The following PAN3 variants were observed in gnomAD, a reference collection of about 807,000 sequenced individuals.
PAN3 encodes the protein PAN2-PAN3 deadenylation complex subunit PAN3.
In PAN3, 19 loss-of-function variants were observed where a neutral mutation model predicts 96.2. The observed-to-expected ratio is 0.20, with a 90% CI of 0.14 to 0.29. The LOEUF is 0.29. PAN3 is among the 10% of genes least tolerant of loss of function. PAN3 has a pLI of 1.00. For missense variants in PAN3, 882 were observed against 1,108.1 expected, an observed-to-expected ratio of 0.80 and a Z score of 2.90; for synonymous variants, 433 against 406.6, an observed-to-expected ratio of 1.06 and a Z score of -0.78.
intron 6 of PAN3, among the ~76,000 whole-genome samples, chr13:28,239,188 C>T (rs1161153002): frequency 1.8e-5 from 2 of 112,254 alleles, no homozygotes; most frequent in African/African-American, 7.6e-5. Flanking sequence ...CACACACACA[C>T]GCATGCACAC....
intron 1 of PAN3, among the ~76,000 whole-genome samples, chr13:28,164,123 A>G (rs979326858): frequency 1.5e-4 from 23 of 152,252 alleles, no homozygotes; most frequent in African/African-American, 5.3e-4. Context: ...TTGAAATGTA[A>G]TTTACATGCT....
intron 1 of PAN3, among the ~76,000 whole-genome samples, chr13:28,164,423 A>G (rs1243363122): frequency 6.6e-6 from 1 of 152,228 alleles, no homozygotes; most frequent in Non-Finnish European, 1.5e-5. Context: ...GCTAATGTCA[A>G]ACTAAGAAGT....
At position 28,188,703 on chromosome 13, in the gene PAN3, G is replaced by A. The variant is rs145905230; in HGVS notation, c.691-8482G>A. Among the ~76,000 whole-genome samples, 700 of 152,230 alleles carry A rather than the reference G, an allele frequency of 4.6e-3. 1 individual carries two copies. The highest frequency in any genetic ancestry group is 6.8e-3 in the Non-Finnish European group (464 of 68,000). ...TTCAAAGGAGGTTTTTATAATTCAC[G>A]GCATTGGAAACTTTTTGTCCTGAAG... On this transcript the variant is annotated intron_variant, in intron 4 of 18. Transcript: ENST00000380958.
chr13:28,257,339 T>C (rs770604284), intron 7 of PAN3, among the ~76,000 whole-genome samples: 1 of 152,068 alleles, frequency 6.6e-6, no homozygotes, highest in Non-Finnish European at 1.5e-5. Context: ...CTTTTTTAGC[T>C]TCATTACTTC....
In PAN3 at chr13:28,280,403, C is replaced by G. The variant is rs777430346; in HGVS notation, c.2190-9C>G. On this transcript the variant is annotated splice_polypyrimidine_tract_variant and intron_variant, in intron 15 of 18. Transcript: ENST00000380958. ...GACATCCAAGTAATTCCTCTTTTAT[C>G]TTGGGTAGGTATTTGTTGACTGACC... 5.0e-6 allele frequency: 8 copies of G among 1,599,120 alleles called. No homozygotes were observed. The South Asian group carries it at 8.0e-5, about 16-fold the overall frequency.
intron 4 of PAN3, among the ~76,000 whole-genome samples, chr13:28,187,506 C>A (rs7329396): frequency 0.019 from 2,934 of 152,236 alleles, 108 homozygotes; most frequent in African/African-American, 0.067. Flanking sequence ...GGTCTTCCAA[C>A]TGATTTTATT....
intron 1 of PAN3, among the ~76,000 whole-genome samples, chr13:28,169,520 C>T (rs980948497): frequency 6.6e-5 from 10 of 151,458 alleles, no homozygotes; most frequent in African/African-American, 1.7e-4. Context: ...CATGAGCCAC[C>T]GCGCCCGGCT....
intron 12 of PAN3, among the ~76,000 whole-genome samples, chr13:28,270,048 CA>C (rs1886484699): frequency 6.6e-6 from 1 of 152,034 alleles, no homozygotes; most frequent in South Asian, 2.1e-4. Flanking sequence ...GGCAATGTAG[CA>C]AAAGTGTCTC....
intron 6 of PAN3, among the ~76,000 whole-genome samples, chr13:28,249,890 CT>C (rs1402234291): frequency 6.6e-6 from 1 of 152,100 alleles, no homozygotes; most frequent in African/African-American, 2.4e-5. Context: ...CATTCCATGC[CT>C]TTTAAGAGGG....
intron 4 of PAN3, among the ~76,000 whole-genome samples, chr13:28,189,834 C>T (rs1447101967): frequency 1.3e-5 from 2 of 152,112 alleles, no homozygotes; most frequent in African/African-American, 2.4e-5. Context: ...TAGCAAGATC[C>T]CTGGAAGATT....
At chr13:28,202,141 T>C (rs549844910) in intron 5 of PAN3, among the ~76,000 whole-genome samples, 2 of 152,260 alleles carry the variant, frequency 1.3e-5, no homozygotes, top group Non-Finnish European at 2.9e-5. Context: ...TTAATTAAAA[T>C]AGAATATATT....
intron 12 of PAN3, 141 bp from the exon 13 acceptor site, chr13:28,270,560 C>T (rs1886526143): frequency 1.3e-6 from 1 of 742,952 alleles, no homozygotes. Context: ...TTAAATTACA[C>T]ACATACATAC....
intron 18 of PAN3, among the ~76,000 whole-genome samples, chr13:28,291,104 T>C (rs924403934): frequency 6.6e-6 from 1 of 152,102 alleles, no homozygotes; most frequent in Non-Finnish European, 1.5e-5. Context: ...GTGTGATAAA[T>C]TAAAAGGGAA....
chr13:28,228,517 A>G (rs1385334018), intron 6 of PAN3, among the ~76,000 whole-genome samples: 1 of 152,144 alleles, frequency 6.6e-6, no homozygotes. Flanking sequence ...ACATATTGAT[A>G]TGTCTGAAAT....
At chr13:28,273,942 GTCTAATCAGTGTTT>G (rs1461616622) in intron 14 of PAN3, among the ~76,000 whole-genome samples, 1 of 152,202 alleles carries the variant, frequency 6.6e-6, no homozygotes, top group Non-Finnish European at 1.5e-5. Flanking sequence ...GAGAAGTAGA[GTCTAATCAGTGTTT>G]AGTATTTCAG....
At chr13:28,221,421 C>T (rs1411034135) in intron 6 of PAN3, among the ~76,000 whole-genome samples, 1 of 151,742 alleles carries the variant, frequency 6.6e-6, no homozygotes, top group Non-Finnish European at 1.5e-5. Context: ...CTAGATCAGC[C>T]AGGAACTGGT....
chr13:28,192,756 A>G (rs1474078699), intron 4 of PAN3, among the ~76,000 whole-genome samples: 2 of 152,318 alleles, frequency 1.3e-5, no homozygotes, highest in African/African-American at 4.8e-5. Context: ...TACAAAGTAG[A>G]TTCTCAGATG....
At chr13:28,249,651 TGTTGACCA>T (rs2138549507) in intron 6 of PAN3, among the ~76,000 whole-genome samples, 1 of 152,236 alleles carries the variant, frequency 6.6e-6, no homozygotes, top group South Asian at 2.1e-4. Context: ...GGTTTCACCA[TGTTGACCA>T]GGCTGGTCTC....
intron 5 of PAN3, among the ~76,000 whole-genome samples, chr13:28,203,807 C>CTTTTT (rs767439908): frequency 7.2e-6 from 1 of 139,842 alleles, no homozygotes; most frequent in Non-Finnish European, 1.6e-5. Context: ...TTTTTCTTTT[C>CTTTTT]TTTTTTTTTT....
Sources: allele counts gnomAD v4.1 joint callset (sites outside exome capture counted in the v4.1 genomes callset), GRCh38; gene constraint gnomAD v4.1.1; transcripts MANE v1.5; gene names NCBI Gene and HGNC (gene_info 2026-07-23, HGNC 2026-07-21).